The following DISC1 variants were observed in gnomAD, a reference collection of about 807,000 sequenced individuals.
DISC1 encodes the protein disrupted in schizophrenia 1 protein.
In DISC1, 57 loss-of-function variants were observed where a neutral mutation model predicts 84.5. That is an observed-to-expected ratio of 0.67 (90% confidence interval 0.55 to 0.84). The LOEUF is 0.84. Among genes scored for constraint, DISC1 ranks in the 40% least tolerant of loss-of-function variants. The probability of loss-of-function intolerance (pLI) is 0.00; values close to 1 mark genes in which losing one functional copy is unlikely to be tolerated. For synonymous variants in DISC1, 411 were observed against 415.2 expected (o/e 0.99, Z 0.12); for missense variants, 1,000 against 1,057.8 (o/e 0.95, Z 0.76).
At chr1:231,888,283 C>T (rs1041059255) in intron 9 of DISC1, among the ~76,000 whole-genome samples, 2 of 152,114 alleles carry the variant, frequency 1.3e-5, no homozygotes, top group African/African-American at 4.8e-5. Flanking sequence ...TGGCCCTGGG[C>T]TCTCAGGTGG....
intron 9 of DISC1, among the ~76,000 whole-genome samples, chr1:231,856,575 C>T (rs1558656714): frequency 6.6e-6 from 1 of 152,214 alleles, no homozygotes; most frequent in Non-Finnish European, 1.5e-5. Context: ...AGGCACATGA[C>T]CTTCTAGTTG....
intron 8 of DISC1, chr1:231,813,476 G>T (rs895679545): frequency 1.3e-5 from 2 of 152,332 alleles, no homozygotes; most frequent in Non-Finnish European, 2.9e-5. Flanking sequence ...GTCCCTTGAG[G>T]TTCTTTGTGG....
At chr1:231,945,303 G>A (rs1020216672) in intron 9 of DISC1, 2 of 152,164 alleles carry the variant, frequency 1.3e-5, no homozygotes, top group Non-Finnish European at 2.9e-5. Context: ...TCAAGATTAA[G>A]GAACTCACTC....
intron 11 of DISC1, among the ~76,000 whole-genome samples, chr1:232,013,795 C>T (rs821635): frequency 0.35 from 52,492 of 151,888 alleles, 9,311 homozygotes; most frequent in East Asian, 0.42. Context: ...AAATGGAGGG[C>T]CTTCAAGGGA....
intron 8 of DISC1, among the ~76,000 whole-genome samples, chr1:231,814,627 G>A (rs1469892372): frequency 6.6e-6 from 1 of 152,064 alleles, no homozygotes; most frequent in African/African-American, 2.4e-5. Flanking sequence ...TGAAGTTGAT[G>A]GGAGGCAACT....
chr1:231,969,981 T>G (rs193024581), intron 10 of DISC1, among the ~76,000 whole-genome samples: 12 of 152,358 alleles, frequency 7.9e-5, no homozygotes, highest in African/African-American at 2.4e-4. Flanking sequence ...TGCCACATTT[T>G]CTTAATCCAG....
intron 5 of DISC1, among the ~76,000 whole-genome samples, chr1:231,769,546 T>A (rs1279502070): frequency 6.6e-6 from 1 of 152,234 alleles, no homozygotes; most frequent in Non-Finnish European, 1.5e-5. Context: ...CTTGTCTGAG[T>A]TACCTAGAGG....
chr1:231,933,623 A>AT lies in DISC1; in HGVS notation c.1982-25203dup. On this transcript the variant is annotated intron_variant, in intron 9 of 12. Coordinates refer to ENST00000439617, the MANE Select transcript of DISC1 (RefSeq NM_018662.3). ...TCGTTCTCATCCCTAGTATTGTGACATTCTATCATATCTCTGATTTTTAAA... is the reference window on the plus strand; with the variant it reads ...TCGTTCTCATCCCTAGTATTGTGACATTTCTATCATATCTCTGATTTTTAAA... 1.3e-5 allele frequency among the ~76,000 whole-genome samples: 2 copies of AT among 152,274 alleles called. 1 individual carries two copies. The highest frequency in any genetic ancestry group is 4.1e-4 in the South Asian group (2 of 4,822).
intron 9 of DISC1, among the ~76,000 whole-genome samples, chr1:231,953,173 C>T (rs1220087037): frequency 6.6e-6 from 1 of 152,160 alleles, no homozygotes; most frequent in Non-Finnish European, 1.5e-5. Flanking sequence ...AGAAAGTGCT[C>T]AGTAAAATGG....
At chr1:232,004,405 T>G (rs1486639003) in intron 10 of DISC1, among the ~76,000 whole-genome samples, 3 of 148,980 alleles carry the variant, frequency 2.0e-5, no homozygotes, top group Non-Finnish European at 4.5e-5. Context: ...AAGTAATTTT[T>G]TAAATACTTT....
intron 1 of DISC1, among the ~76,000 whole-genome samples, chr1:231,658,939 CT>C (rs535515269): frequency 4.0e-5 from 6 of 150,964 alleles, no homozygotes; most frequent in Admixed American, 3.3e-4. Context: ...CTGAGGTTTT[CT>C]TTTTTTTTGT....
At chr1:231,784,981 A>G (rs2077719909) in intron 6 of DISC1, among the ~76,000 whole-genome samples, 1 of 152,206 alleles carries the variant, frequency 6.6e-6, no homozygotes, top group African/African-American at 2.4e-5. Context: ...TTACAAGATC[A>G]TCTGAAGTCT....
At position 232,036,743 on chromosome 1, in the gene DISC1, TC is replaced by T; in HGVS notation, c.2479del (p.Leu827CysfsTer19). 1 of 1,607,834 alleles carries T rather than the reference TC, an allele frequency of 6.2e-7. No homozygotes were observed. Among genetic ancestry groups the T allele is most frequent in the East Asian group, 2.2e-5 (1 of 44,686 alleles). On this transcript the variant is annotated frameshift_variant, in exon 13 of 13. Coordinates refer to ENST00000439617, the MANE Select transcript of DISC1 (RefSeq NM_018662.3). LOFTEE classifies it low-confidence loss of function (END_TRUNC). Reference protein sequence around the residue: ...QMVKETLQAMILQLQPAKEAG... With the variant: ...QMVKETLQAMXLQLQPAKEAG... ...GTGAAGGAAACTCTGCAGGCCATGATCCTGCAGCTCCAGCCAGCAAAGGAGG... is the reference window on the plus strand; with the variant it reads ...GTGAAGGAAACTCTGCAGGCCATGATCTGCAGCTCCAGCCAGCAAAGGAGG...
chr1:231,853,614 G>A (rs1469347298), intron 9 of DISC1, among the ~76,000 whole-genome samples: 2 of 152,198 alleles, frequency 1.3e-5, no homozygotes, highest in Non-Finnish European at 2.9e-5. Context: ...AAGTTCTTCC[G>A]AACTGAGAGG....
chr1:231,768,553 CAG>C (rs1409558216), intron 5 of DISC1, among the ~76,000 whole-genome samples: 1 of 112,430 alleles, frequency 8.9e-6, no homozygotes, highest in Non-Finnish European at 2.0e-5. Flanking sequence ...CTGAGACAGT[CAG>C]AGTGTACAGA....
rs559938016 is a variant in DISC1, at chr1:232,031,520, A to G, written c.2425+4968A>G. 1.8e-4 allele frequency among the ~76,000 whole-genome samples: 27 copies of G among 152,036 alleles called. No individual in the cohort carries two copies. In the South Asian group the frequency reaches 2.3e-3, roughly 13 times the overall value. On this transcript the variant is annotated intron_variant, in intron 12 of 12. Coordinates refer to ENST00000439617, the MANE Select transcript of DISC1 (RefSeq NM_018662.3). The surrounding 1 kb of genome is among the most constrained non-coding windows in gnomAD (Gnocchi z 4.6). ...AGAAAGGAAAGGAAAGGAAAGAAAG[A>G]AAAGGAAAGGAAAGAAAGAAAACCC...
chr1:231,931,596 A>G (rs1174022306), intron 9 of DISC1, among the ~76,000 whole-genome samples: 2 of 151,476 alleles, frequency 1.3e-5, no homozygotes, highest in Non-Finnish European at 2.9e-5. Context: ...TGATGACCCT[A>G]TCATCCTTTG....
intron 10 of DISC1, among the ~76,000 whole-genome samples, chr1:232,006,654 G>A (rs1016162313): frequency 3.9e-5 from 6 of 152,134 alleles, no homozygotes; most frequent in Admixed American, 3.9e-4. Context: ...GGGAAGCAGG[G>A]CATAAAATTT....
At chr1:231,719,682 T>G (rs184395317) in intron 3 of DISC1, among the ~76,000 whole-genome samples, 3 of 152,356 alleles carry the variant, frequency 2.0e-5, no homozygotes, top group African/African-American at 7.2e-5. Flanking sequence ...TATTTAGGTA[T>G]TTTAGATCTG....
Sources: allele counts gnomAD v4.1 joint callset (sites outside exome capture counted in the v4.1 genomes callset), GRCh38; gene constraint gnomAD v4.1.1; non-coding constraint Gnocchi (gnomAD v3.1); transcripts MANE v1.5; gene names NCBI Gene and HGNC (gene_info 2026-07-23, HGNC 2026-07-21).